TAFA5: variants seen among roughly 807,000 people sequenced by gnomAD.
TAFA5 encodes the protein chemokine-like protein TAFA-5.
In TAFA5, 6 loss-of-function variants were observed where a neutral mutation model predicts 15.3. That is an observed-to-expected ratio of 0.39 (90% CI 0.21 to 0.77). The LOEUF (loss-of-function observed/expected upper bound fraction) is 0.77. Ranked by LOEUF, TAFA5 falls within the 30% of genes least tolerant of loss-of-function variation. The probability of loss-of-function intolerance (pLI) is 0.41; values close to 1 mark genes in which losing one functional copy is unlikely to be tolerated. For synonymous variants in TAFA5, 103 were observed against 80.7 expected (o/e 1.28, Z -1.48); for missense variants, 161 against 193.1 (o/e 0.83, Z 0.98).
intron 1 of TAFA5, among the ~76,000 whole-genome samples, chr22:48,524,789 G>A (rs956678708): frequency 7.9e-5 from 12 of 152,192 alleles, no homozygotes; most frequent in Non-Finnish European, 1.6e-4. Context: ...TGCACCAGGA[G>A]TGGGGAAGCA....
In TAFA5 at chr22:48,489,566, GC is replaced by G; in HGVS notation, c.-21del. 2.9e-6 allele frequency: 4 copies of G among 1,368,126 alleles called. No homozygotes were observed. Among genetic ancestry groups the G allele is most frequent in the South Asian group, 1.4e-5 (1 of 71,806 alleles). 84.7% of individuals were successfully genotyped at this position (1,368,126 alleles called of 1,614,324 possible). A position where few individuals can be genotyped will look rare whatever the true frequency, so the allele number is the denominator to read the frequency against. On this transcript the variant is annotated 5_prime_UTR_variant, in exon 1 of 4. Coordinates refer to ENST00000402357, the MANE Select transcript of TAFA5 (RefSeq NM_001082967.3). This position sits in a 1 kb window ranked among gnomAD's most constrained non-coding sequence, Gnocchi z 5.5. ...GGGCCGGCTGCTGAGACGCGCTGCT[GC>G]CCCCCGCGCGGGCGCCGCGGCTTCA...
intron 1 of TAFA5, among the ~76,000 whole-genome samples, chr22:48,571,574 GTTTTTTTTTTTTTTTTTT>G (rs57578802): frequency 4.8e-4 from 14 of 29,242 alleles, no homozygotes; most frequent in Middle Eastern, 0.12. Flanking sequence ...TGCCTGGCCT[GTTTTTTTTTTTTTTTTTT>G]TTTTTTTTTT....
intron 1 of TAFA5, among the ~76,000 whole-genome samples, chr22:48,503,608 G>A (rs1177798593): frequency 6.6e-6 from 1 of 152,182 alleles, no homozygotes; most frequent in Non-Finnish European, 1.5e-5. Context: ...AGCTACAAAC[G>A]GAATCTTCAA....
At chr22:48,564,319 G>C (rs1031729224) in intron 1 of TAFA5, among the ~76,000 whole-genome samples, 1 of 152,254 alleles carries the variant, frequency 6.6e-6, no homozygotes, top group African/African-American at 2.4e-5. Context: ...CTACCTAAGG[G>C]GGCTTCAGGG....
At chr22:48,660,299 A>G (rs1290307396) in intron 2 of TAFA5, among the ~76,000 whole-genome samples, 1 of 152,170 alleles carries the variant, frequency 6.6e-6, no homozygotes, top group Non-Finnish European at 1.5e-5. Flanking sequence ...GCGCTTGAGC[A>G]CAGTTGCTGT....
At chr22:48,532,356 C>G (rs994483490) in intron 1 of TAFA5, among the ~76,000 whole-genome samples, 23 of 152,242 alleles carry the variant, frequency 1.5e-4, no homozygotes, top group Non-Finnish European at 1.0e-4. Context: ...CAGCTCGGAT[C>G]TTTCCGGTGA....
intron 2 of TAFA5, among the ~76,000 whole-genome samples, chr22:48,684,888 G>C (rs1404909407): frequency 6.6e-6 from 1 of 152,224 alleles, no homozygotes; most frequent in Non-Finnish European, 1.5e-5. Flanking sequence ...CCTGCTGATA[G>C]GCTGTGTTGA....
At chr22:48,676,754 C>G (rs1160736177) in intron 2 of TAFA5, among the ~76,000 whole-genome samples, 1 of 152,230 alleles carries the variant, frequency 6.6e-6, no homozygotes, top group Non-Finnish European at 1.5e-5. Context: ...GACTCTGATA[C>G]AACAAGCCCT....
At chr22:48,669,600 G>A (rs1456215114) in intron 2 of TAFA5, among the ~76,000 whole-genome samples, 1 of 152,230 alleles carries the variant, frequency 6.6e-6, no homozygotes, top group East Asian at 1.9e-4. Context: ...TTGGAATAAT[G>A]ACGAGAGGAT....
chr22:48,592,083 G>A (rs987913906), intron 1 of TAFA5, among the ~76,000 whole-genome samples: 5 of 152,186 alleles, frequency 3.3e-5, no homozygotes, highest in African/African-American at 1.2e-4. Context: ...CCCGAGGCTG[G>A]TGGGGCCAGC....
intron 3 of TAFA5, among the ~76,000 whole-genome samples, chr22:48,711,268 G>C: frequency 6.6e-6 from 1 of 152,180 alleles, no homozygotes; most frequent in East Asian, 1.9e-4. Context: ...TTTCCTGGGG[G>C]AGAGTGTGTG....
At chr22:48,740,114 C>T (rs763441606) in intron 3 of TAFA5, among the ~76,000 whole-genome samples, 4 of 152,190 alleles carry the variant, frequency 2.6e-5, no homozygotes, top group African/African-American at 4.8e-5. Flanking sequence ...GAGGAGCTCA[C>T]GCTGCAGGCC....
chr22:48,620,042 A>G (rs1212675900), intron 1 of TAFA5, among the ~76,000 whole-genome samples: 1 of 152,206 alleles, frequency 6.6e-6, no homozygotes, highest in Non-Finnish European at 1.5e-5. Flanking sequence ...AGAGGAAAAG[A>G]AAGCATGAGC....
intron 1 of TAFA5, among the ~76,000 whole-genome samples, chr22:48,515,912 G>A (rs1165458783): frequency 1.5e-5 from 2 of 129,254 alleles, no homozygotes; most frequent in South Asian, 2.6e-4. Flanking sequence ...CGGTGGGCAG[G>A]TGTCGTTCCT....
At chr22:48,501,423 G>T (rs933612248) in intron 1 of TAFA5, among the ~76,000 whole-genome samples, 7 of 152,228 alleles carry the variant, frequency 4.6e-5, no homozygotes, top group African/African-American at 1.7e-4. Context: ...GCACCCGGGC[G>T]GTGTGCTGCA....
chr22:48,534,812 G>A (rs905235226), intron 1 of TAFA5, among the ~76,000 whole-genome samples: 2 of 152,142 alleles, frequency 1.3e-5, no homozygotes, highest in Non-Finnish European at 2.9e-5. Context: ...TCAGGGACAC[G>A]GGGCTGGGAG....
chr22:48,590,314 G>A (rs1390075284), intron 1 of TAFA5, among the ~76,000 whole-genome samples: 3 of 152,194 alleles, frequency 2.0e-5, no homozygotes, highest in Admixed American at 1.3e-4. Context: ...GCAAGGGCAC[G>A]CACCGCTGTT....
intron 1 of TAFA5, among the ~76,000 whole-genome samples, chr22:48,641,976 C>T (rs1412559456): frequency 2.0e-5 from 3 of 152,200 alleles, no homozygotes; most frequent in East Asian, 1.9e-4. Context: ...AAAAGGCCGG[C>T]GCCGTGGGTA....
chr22:48,678,385 GAC>G (rs1019180118), intron 2 of TAFA5, among the ~76,000 whole-genome samples: 2 of 152,224 alleles, frequency 1.3e-5, no homozygotes, highest in Non-Finnish European at 2.9e-5. Flanking sequence ...GCGGGGCAAA[GAC>G]ACAGGCCTCA....
Sources: gnomAD v4.1 joint callset for allele counts (sites outside exome capture counted in the v4.1 genomes callset) on GRCh38, gnomAD v4.1.1 for gene constraint, Gnocchi (gnomAD v3.1) non-coding constraint, MANE v1.5 for transcripts, NCBI Gene and HGNC (gene_info 2026-07-23, HGNC 2026-07-21) for gene names.